LRRC20: variants seen among roughly 807,000 people sequenced by gnomAD.
LRRC20 encodes leucine rich repeat containing 20, also known as leucine-rich repeat-containing protein 20.
LRRC20 carries 11 observed loss-of-function variants against 14.4 expected under a neutral mutation model. The observed-to-expected ratio is 0.77, with a 90% CI of 0.48 to 1.27. The LOEUF (loss-of-function observed/expected upper bound fraction) is 1.27. Ranked by LOEUF, LRRC20 falls within the 50% of genes most tolerant of loss-of-function variation. The pLI is 0.00. For synonymous variants in LRRC20, 121 were observed against 107.3 expected, an observed-to-expected ratio of 1.13 and a Z score of -0.79; for missense variants, 219 against 251.2, an observed-to-expected ratio of 0.87 and a Z score of 0.87.
intron 2 of LRRC20, 130 bp from the exon 3 acceptor site, chr10:70,340,832 A>C: frequency 3.2e-6 from 3 of 941,452 alleles, no homozygotes; most frequent in Non-Finnish European, 4.8e-6. Flanking sequence ...TCTCCCCAGG[A>C]CCAGGCTTCA....
Position 70,338,282 on chromosome 10 carries a change from G to A in LRRC20, c.232+2271C>T, listed in dbSNP as rs117321804. Among the ~76,000 whole-genome samples the A allele has an allele frequency of 2.1e-3, 319 of 152,182 alleles. 13 individuals are homozygous for A. The South Asian group carries it at 0.057, about 27-fold the overall frequency. ...GAGCCACTGTCCCTGCACTGTGTTT[G>A]CCACTTCATGCACCCTCTCCCTCCT... On this transcript the variant is annotated intron_variant, in intron 3 of 4. Coordinates refer to ENST00000446961, the MANE Select transcript of LRRC20 (RefSeq NM_001278212.2).
chr10:70,331,720 G>A (rs192686878), intron 3 of LRRC20, among the ~76,000 whole-genome samples: 3 of 152,286 alleles, frequency 2.0e-5, no homozygotes, highest in Admixed American at 2.0e-4. Context: ...GGATGGACCG[G>A]GGCTCTGGAA....
rs555198747 is a variant in LRRC20 at position 70,360,319 on chromosome 10, T to C, written c.82+16133A>G. Among the ~76,000 whole-genome samples the C allele has an allele frequency of 2.0e-5, 3 of 152,170 alleles. No individual in the cohort carries two copies. The East Asian group carries it at 5.8e-4, about 29-fold the overall frequency. ...TGATCCCAGTCTGCCTCCCAAAGCA[T>C]TGGGATTACAGGTGTGAGTCACCAC... On this transcript the variant is annotated intron_variant, in intron 2 of 4. Coordinates refer to ENST00000446961, the MANE Select transcript of LRRC20 (RefSeq NM_001278212.2).
At chr10:70,363,481 C>T (rs1489706945) in intron 2 of LRRC20, among the ~76,000 whole-genome samples, 1 of 152,116 alleles carries the variant, frequency 6.6e-6, no homozygotes, top group Non-Finnish European at 1.5e-5. Context: ...TCCCAGCCTC[C>T]AGAATTGTGA....
At chr10:70,376,208 A>G (rs1465903218) in intron 2 of LRRC20, among the ~76,000 whole-genome samples, 1 of 152,192 alleles carries the variant, frequency 6.6e-6, no homozygotes, top group East Asian at 1.9e-4. Context: ...ACACTCAGTC[A>G]TCAGCAGTCA....
chr10:70,357,608 G>C (rs1843573735), intron 2 of LRRC20, among the ~76,000 whole-genome samples: 1 of 152,162 alleles, frequency 6.6e-6, no homozygotes, highest in Non-Finnish European at 1.5e-5. Flanking sequence ...CACAAGCCCT[G>C]GACGAGGAGA....
intron 2 of LRRC20, among the ~76,000 whole-genome samples, chr10:70,366,123 T>C (rs573725765): frequency 1.0e-4 from 15 of 145,650 alleles, no homozygotes; most frequent in African/African-American, 3.1e-4. Flanking sequence ...AACAAGCACA[T>C]GAAAAGTTGT....
intron 2 of LRRC20, among the ~76,000 whole-genome samples, chr10:70,350,823 T>C (rs988552377): frequency 6.6e-6 from 1 of 152,130 alleles, no homozygotes; most frequent in Non-Finnish European, 1.5e-5. Flanking sequence ...CTGAGAAGCT[T>C]TCTTCATGGA....
rs1841179629 is a variant in LRRC20, at chr10:70,301,462, G to C, written c.447C>G (p.Ile149Met). The C allele has an allele frequency of 1.2e-6, 2 of 1,614,110 alleles. No individual in the cohort carries two copies. The highest frequency in any genetic ancestry group is 1.7e-6 in the Non-Finnish European group (2 of 1,180,026). Residue 149 changes from isoleucine to methionine, a missense_variant, in exon 5 of 5, where the codon ATC becomes ATG. Physicochemically the swap from Ile to Met is conservative, Grantham distance 10 (BLOSUM62 1). Transcript: ENST00000446961. ...KLAAMPALRS[I>M]NLRFNPLNAE... Reference sequence around the variant, plus strand: ...CGTTGAGTGGGTTGAAGCGGAGGTTGATGCTGCGCAAGGCTGGCATGGCGG... The same window carrying C: ...CGTTGAGTGGGTTGAAGCGGAGGTTCATGCTGCGCAAGGCTGGCATGGCGG...
chr10:70,319,346 G>A (rs575214253), intron 4 of LRRC20, among the ~76,000 whole-genome samples: 6 of 152,228 alleles, frequency 3.9e-5, no homozygotes, highest in East Asian at 3.9e-4. Flanking sequence ...ACCAAGTACC[G>A]GTGAGCACGT....
intron 4 of LRRC20, among the ~76,000 whole-genome samples, chr10:70,314,923 C>A (rs891910406): frequency 1.3e-5 from 2 of 152,138 alleles, no homozygotes; most frequent in African/African-American, 4.8e-5. Flanking sequence ...GCTTTCTATC[C>A]CCCTAGAGCT....
chr10:70,344,636 G>A (rs1443810971), intron 2 of LRRC20, among the ~76,000 whole-genome samples: 5 of 152,110 alleles, frequency 3.3e-5, no homozygotes, highest in African/African-American at 7.2e-5. Flanking sequence ...GCACGATCTC[G>A]GCTCACTGCA....
intron 2 of LRRC20, among the ~76,000 whole-genome samples, chr10:70,359,525 A>T (rs916560915): frequency 6.6e-6 from 1 of 152,178 alleles, no homozygotes; most frequent in Non-Finnish European, 1.5e-5. Context: ...TGGGTAACAG[A>T]GTGAGACCTT....
chr10:70,326,333 C>CACAT (rs1554838458), intron 3 of LRRC20, among the ~76,000 whole-genome samples: 3 of 151,320 alleles, frequency 2.0e-5, no homozygotes, highest in African/African-American at 4.9e-5. Flanking sequence ...CACACACACA[C>CACAT]GCACGCGCCT....
chr10:70,304,470 T>TTATATATATATATATATA (rs57284629), intron 4 of LRRC20, among the ~76,000 whole-genome samples: 1,382 of 113,332 alleles, frequency 0.012, 28 homozygotes, highest in Non-Finnish European at 0.019. Context: ...GGCCACTTCT[T>TTATATATATATATATATA]TATATATATA....
chr10:70,304,143 C>T (rs759212120), intron 4 of LRRC20, among the ~76,000 whole-genome samples: 3 of 152,072 alleles, frequency 2.0e-5, no homozygotes, highest in Non-Finnish European at 2.9e-5. Flanking sequence ...CGCTTGCCCT[C>T]GACGCGTGCC....
chr10:70,355,452 C>T (rs78745769), intron 2 of LRRC20, among the ~76,000 whole-genome samples: 13,052 of 152,060 alleles, frequency 0.086, 694 homozygotes, highest in South Asian at 0.2. Flanking sequence ...CACCGAGGAC[C>T]ACATACGTCC....
intron 2 of LRRC20, among the ~76,000 whole-genome samples, chr10:70,374,551 C>T (rs1028656462): frequency 1.4e-4 from 22 of 152,066 alleles, no homozygotes; most frequent in Admixed American, 1.4e-3. Flanking sequence ...AGTATGTTGG[C>T]CAGGCTGGTC....
Position 70,326,758 on chromosome 10 carries a change from T to C in LRRC20, c.233-2728A>G, listed in dbSNP as rs552323892. Among the ~76,000 whole-genome samples, 18 of 152,286 alleles carry C rather than the reference T, an allele frequency of 1.2e-4. No individual in the cohort carries two copies. In the East Asian group the frequency reaches 3.5e-3, roughly 29 times the overall value. On this transcript the variant is annotated intron_variant, in intron 3 of 4. Transcript: ENST00000446961. The stretch of plus-strand genomic sequence containing the variant: ...AGCTCCGCCTCCTGGGTTCACGCCA[T>C]TCTCCTGTCTCAGCCTCCCAAGTAG...
Sources: gnomAD v4.1 joint callset for allele counts (sites outside exome capture counted in the v4.1 genomes callset) on GRCh38, gnomAD v4.1.1 for gene constraint, MANE v1.5 for transcripts, NCBI Gene and HGNC (gene_info 2026-07-23, HGNC 2026-07-21) for gene names.